Variants in RNF213 observed in about 807,000 individuals in gnomAD.
RNF213 encodes ring finger protein 213.
Under a neutral mutation model 514.4 loss-of-function variants are expected in RNF213, and 341 were observed. That is an observed-to-expected ratio of 0.66 (90% CI 0.61 to 0.73). The LOEUF is 0.73. RNF213 is among the 30% of genes least tolerant of loss of function. RNF213 has a pLI of 0.00. For missense variants in RNF213, 5,767 were observed against 6,615.6 expected, an observed-to-expected ratio of 0.87 and a Z score of 4.45; for synonymous variants, 2,655 against 2,658.2, an observed-to-expected ratio of 1.00 and a Z score of 0.04.
rs527610055 is a variant in RNF213 at position 80,383,773 on chromosome 17, G to T, written c.14167G>T (p.Val4723Leu). Residue 4723 changes from valine (V) to leucine (L), a missense_variant, in exon 59 of 68, where the codon GTG (valine) becomes TTG (leucine). Val to Leu is a conservative substitution (Grantham distance 32). Coordinates refer to ENST00000582970, the MANE Select transcript of RNF213 (RefSeq NM_001256071.3). The stretch of plus-strand genomic sequence containing the variant: ...GGCCAAAATAATATATGGTGACCCA[G>T]TGACCTTCCTGCCCCACCTGCCCCG... ...PVAKIIYGDPVTFLPHLPRKS... is the reference protein window; with the variant it reads ...PVAKIIYGDPLTFLPHLPRKS... 1.9e-6 allele frequency: 3 copies of T among 1,614,070 alleles called. No homozygotes were observed. The highest frequency in any genetic ancestry group is 2.5e-6 in the Non-Finnish European group (3 of 1,180,020).
chr17:80,364,343 G>GCATCTCTTCTCCCGTCTCCCT (rs2079172374), intron 41 of RNF213, 90 bp from the exon 42 acceptor site: 1 of 1,585,362 alleles, frequency 6.3e-7, no homozygotes, highest in African/African-American at 1.3e-5. Context: ...CCCGGGTCCC[G>GCATCTCTTCTCCCGTCTCCCT]CATCTCTTCT....
Position 80,314,173 on chromosome 17 carries a change from A to T in RNF213, c.2811+1006A>T, listed in dbSNP as rs369531347. On this transcript the variant is annotated intron_variant, in intron 15 of 67. Transcript: ENST00000582970. ...ATGGTGGTGGTGTAGGTGATGGTGG[A>T]GGTGATGGTGGTGGTGAAGGTGATG... Among the ~76,000 whole-genome samples, 9 of 110,294 alleles carry T rather than the reference A, an allele frequency of 8.2e-5. No individual in the cohort carries two copies. The East Asian group carries it at 1.3e-3, about 15-fold the overall frequency. The allele number at this position is 110,294 out of a possible 152,430, so 72.4% of individuals were successfully genotyped here.
Position 80,386,409 on chromosome 17 carries a change from A to G in RNF213, c.14699A>G (p.Lys4900Arg). ...LHNEIVYAVE[K>R]LSKENNSYSV... ...AATGAAATTGTCTACGCCGTGGAAAAACTCTCCAAGGAAAACAACAGGTTT... is the reference window on the plus strand; with the variant it reads ...AATGAAATTGTCTACGCCGTGGAAAGACTCTCCAAGGAAAACAACAGGTTT... Residue 4900 changes from lysine to arginine, a missense_variant, in exon 62 of 68, where the codon AAA becomes AGA. Lys to Arg is a conservative substitution (Grantham distance 26, BLOSUM62 2). Around this residue, in one of 13 missense-constraint regions of RNF213, gnomAD observed 1,245 missense variants for 1,339.0 expected, o/e 0.93. Coordinates refer to ENST00000582970, the MANE Select transcript of RNF213 (RefSeq NM_001256071.3). 1 of 1,614,094 alleles carries G rather than the reference A, an allele frequency of 6.2e-7. No homozygotes were observed. The highest frequency in any genetic ancestry group is 8.5e-7 in the Non-Finnish European group (1 of 1,180,018).
In RNF213 at chr17:80,313,758, G is replaced by GTGGTGGAGGTGA. The variant is rs1555652426; in HGVS notation, c.2811+601_2811+602insGATGGTGGAGGT. Reference sequence around the variant, plus strand: ...GACAATGGTGATGCTGGTGGTGGAGGTGGTGGAGGTACTGGAGGTGATGGT... The same window carrying GTGGTGGAGGTGA: ...GACAATGGTGATGCTGGTGGTGGAGGTGGTGGAGGTGATGGTGGAGGTACTGGAGGTGATGGT... On this transcript the variant is annotated intron_variant, in intron 15 of 67. Coordinates refer to ENST00000582970, the MANE Select transcript of RNF213 (RefSeq NM_001256071.3). 4.9e-5 allele frequency among the ~76,000 whole-genome samples: 6 copies of GTGGTGGAGGTGA among 121,746 alleles called. No homozygotes were observed. The East Asian group carries it at 1.5e-3, about 30-fold the overall frequency. 79.9% of individuals were successfully genotyped at this position (121,746 alleles called of 152,430 possible).
At position 80,346,955 on chromosome 17, in the gene RNF213, G is replaced by A. The variant is rs149905620; in HGVS notation, c.8620G>A (p.Ala2874Thr). The A allele has an allele frequency of 8.2e-5, 133 of 1,613,494 alleles. No individual in the cohort carries two copies. Among genetic ancestry groups the A allele is most frequent in the Non-Finnish European group, 1.0e-4 (121 of 1,179,848 alleles). The change falls in exon 29 of 68, where the codon GCC becomes ACC. Residue 2874 changes from alanine (A) to threonine (T), a missense_variant. By Grantham distance (58) the Ala-to-Thr change is moderately conservative (BLOSUM62 0). Coordinates refer to ENST00000582970, the MANE Select transcript of RNF213 (RefSeq NM_001256071.3). This position sits in a 1 kb window ranked among gnomAD's most constrained non-coding sequence, Gnocchi z 8.1. ...LEDGCIEDDP[A>T]PHKKVGFVGI... ...AGACGGATGCATTGAAGACGATCCC[G>A]CCCCCCACAAAAAGGTCGGCTTCGT...
In RNF213 at chr17:80,306,272, TGA is replaced by T. The variant is rs1330689183; in HGVS notation, c.2238_2239del (p.Lys747AlafsTer16). 1 of 1,613,732 alleles carries T rather than the reference TGA, an allele frequency of 6.2e-7. No individual in the cohort carries two copies. Among genetic ancestry groups the T allele is most frequent in the South Asian group, 1.1e-5 (1 of 91,070 alleles). On this transcript the variant is annotated frameshift_variant, in exon 12 of 68. Coordinates refer to ENST00000582970, the MANE Select transcript of RNF213 (RefSeq NM_001256071.3). LOFTEE classifies it high-confidence loss of function. ...TGCAGGAGTTCCCTACTTCAGTTTA[TGA>T]GAGAGAAGCAGCATTTGCTGAGCAT...
chr17:80,306,992 C>T, intron 12 of RNF213, 136 bp from the exon 13 acceptor site: 1 of 824,040 alleles, frequency 1.2e-6, no homozygotes, highest in South Asian at 1.4e-5. Flanking sequence ...AGTATGTGAG[C>T]ACCTTAAAAT....
At chr17:80,359,988 G>A (rs2078994884) in intron 37 of RNF213, 73 bp from the exon 38 acceptor site, 1 of 1,505,704 alleles carries the variant, frequency 6.6e-7, no homozygotes, top group Admixed American at 1.7e-5. Context: ...GCTGGCATCA[G>A]TGGCAGATCT....
At chr17:80,336,438 T>C in intron 23 of RNF213, 60 bp downstream of exon 23, 1 of 1,421,480 alleles carries the variant, frequency 7.0e-7, no homozygotes, top group Non-Finnish European at 9.6e-7. Context: ...TTAGCAACGT[T>C]AGGGCAGTGA....
intron 8 of RNF213, among the ~76,000 whole-genome samples, chr17:80,292,902 G>A (rs73444349): frequency 0.048 from 7,226 of 152,096 alleles, 620 homozygotes; most frequent in African/African-American, 0.16. Flanking sequence ...GGTGTCCGGT[G>A]TCTTGGAAAC....
In RNF213 at chr17:80,264,124, G is replaced by T. The variant is rs764856729; in HGVS notation, c.97+346G>T. Among the ~76,000 whole-genome samples the T allele has an allele frequency of 2.0e-5, 3 of 152,202 alleles. No individual in the cohort carries two copies. The highest frequency in any genetic ancestry group is 4.4e-5 in the Non-Finnish European group (3 of 68,036). ...AACAAGAAGTTTTGTCGGGGTCTTTGCTGGAGGTTCCTGCTTTTGAAAATT... is the reference window on the plus strand; with the variant it reads ...AACAAGAAGTTTTGTCGGGGTCTTTTCTGGAGGTTCCTGCTTTTGAAAATT... On this transcript the variant is annotated intron_variant, in intron 2 of 67. Coordinates refer to ENST00000582970, the MANE Select transcript of RNF213 (RefSeq NM_001256071.3). This position sits in a 1 kb window ranked among gnomAD's most constrained non-coding sequence, Gnocchi z 5.0.
chr17:80,306,402 T>C lies in RNF213; in HGVS notation c.2361T>C (p.His787=). 1.2e-6 allele frequency: 2 copies of C among 1,614,192 alleles called. No individual in the cohort carries two copies. Among genetic ancestry groups the C allele is most frequent in the Non-Finnish European group, 1.7e-6 (2 of 1,180,030 alleles). Residue 787 remains histidine (H), a synonymous_variant, in exon 12 of 68, where the codon CAT becomes CAC. Coordinates refer to ENST00000582970, the MANE Select transcript of RNF213 (RefSeq NM_001256071.3). ...AGCACCTGGGTCGTTTTCCTGCTCATATCCTGGACTGTCTTTCAGGGATTT... is the reference window on the plus strand; with the variant it reads ...AGCACCTGGGTCGTTTTCCTGCTCACATCCTGGACTGTCTTTCAGGGATTT... ...FIEHLGRFPA[H]ILDCLSGIYY... is the part of the protein sequence containing the mutation.
chr17:80,387,480 G>A (rs2144647614), intron 63 of RNF213, among the ~76,000 whole-genome samples: 1 of 152,308 alleles, frequency 6.6e-6, no homozygotes, highest in Middle Eastern at 3.4e-3. Context: ...GCCTCCATGG[G>A]TAACCTGCCA....
At chr17:80,278,940 G>A in intron 3 of RNF213, 1 of 1,536,488 alleles carries the variant, frequency 6.5e-7, no homozygotes, top group South Asian at 1.2e-5. Context: ...TGGGCAGAAT[G>A]CTCCCTGCCC....
At position 80,336,279 on chromosome 17, in the gene RNF213, A is replaced by G. The variant is rs1197756454; in HGVS notation, c.4428A>G (p.Leu1476=). ...CTGTGCAGGGCTACGCATCCCTGCT[A>G]TTTAAGCTGGACCCCAGCGTGGACT... ...HDAVQGYASL[L]FKLDPSVDFS... Residue 1476 remains leucine, a synonymous_variant, in exon 23 of 68, where the codon CTA becomes CTG. Coordinates refer to ENST00000582970, the MANE Select transcript of RNF213 (RefSeq NM_001256071.3). 3 of 1,537,246 alleles carry G rather than the reference A, an allele frequency of 2.0e-6. No individual in the cohort carries two copies. The highest frequency in any genetic ancestry group is 1.2e-5 in the South Asian group (1 of 84,064).
In RNF213 at chr17:80,349,840, C is replaced by G. The variant is rs1295200413; in HGVS notation, c.10022C>G (p.Ala3341Gly). The change falls in exon 30 of 68, where the codon GCT (alanine) becomes GGT (glycine). Residue 3341 changes from alanine to glycine, a missense_variant. Transcript: ENST00000582970. ...TTAGAATCAGAGGTCACAGGCAGGG[C>G]TCCGAAACCCACACTCCTGTGGCTG... ...EILESEVTGRAPKPTLLWLQQ... is the reference protein window; with the variant it reads ...EILESEVTGRGPKPTLLWLQQ... 3 of 1,614,018 alleles carry G rather than the reference C, an allele frequency of 1.9e-6. No homozygotes were observed. In the South Asian group the frequency reaches 3.3e-5, roughly 18 times the overall value.
In RNF213 at chr17:80,368,039, C is replaced by T. The variant is rs2079350406; in HGVS notation, c.12051C>T (p.Cys4017=). ...GTCTGCCCTGCGACCACGTGCACTG[C>T]CTGCGCTGCCTCAGGGCCTGGTTTG... ...PVCLPCDHVH[C]LRCLRAWFAS... Residue 4017 remains cysteine, a synonymous_variant, in exon 44 of 68, where the codon TGC becomes TGT. Transcript: ENST00000582970. The T allele has an allele frequency of 6.2e-7, 1 of 1,614,156 alleles. No individual in the cohort carries two copies. Among genetic ancestry groups the T allele is most frequent in the African/African-American group, 1.3e-5 (1 of 74,950 alleles).
At chr17:80,304,944 G>A (rs1054962415) in intron 11 of RNF213, among the ~76,000 whole-genome samples, 2 of 152,098 alleles carry the variant, frequency 1.3e-5, no homozygotes, top group East Asian at 1.9e-4. Flanking sequence ...GGGACCTCAC[G>A]TGAGTGGAAT....
chr17:80,352,973 G>A lies in RNF213; in HGVS notation c.10337G>A (p.Arg3446Gln), dbSNP rs145066039. The A allele has an allele frequency of 1.4e-5, 23 of 1,613,714 alleles. No homozygotes were observed. The African/African-American group carries it at 1.7e-4, about 12-fold the overall frequency. Residue 3446 changes from arginine (R) to glutamine (Q), a missense_variant, in exon 33 of 68, where the codon CGG becomes CAG. This residue lies in a region of RNF213 where 919 missense variants were observed against 1,121.0 expected (regional missense o/e 0.82). Transcript: ENST00000582970. ...LWQSVHIDDL[R>Q]RSTLMVSDVT... ...CAGTCTGTCCACATCGATGACCTCC[G>A]GAGATCCACCCTCATGGTTTCTGAT...
Sources: allele counts gnomAD v4.1 joint callset (sites outside exome capture counted in the v4.1 genomes callset), GRCh38; gene constraint gnomAD v4.1.1; regional missense constraint gnomAD v4.1.1; non-coding constraint Gnocchi (gnomAD v3.1); transcripts MANE v1.5; gene names NCBI Gene and HGNC (gene_info 2026-07-23, HGNC 2026-07-21).